VRK1: variants seen among roughly 807,000 people sequenced by gnomAD.
The protein encoded by VRK1 is serine/threonine-protein kinase VRK1.
A neutral mutation model predicts 57.1 loss-of-function variants in VRK1; 33 were observed. The observed-to-expected ratio is 0.58, with a 90% CI of 0.44 to 0.77. VRK1 has a LOEUF of 0.77. VRK1 is among the 30% of genes least tolerant of loss of function. The pLI is 0.00. For missense variants in VRK1, 413 were observed against 477.3 expected, an observed-to-expected ratio of 0.87 and a Z score of 1.25; for synonymous variants, 137 against 147.8, an observed-to-expected ratio of 0.93 and a Z score of 0.53.
intron 1 of VRK1, among the ~76,000 whole-genome samples, chr14:96,798,105 G>T (rs550651537): frequency 6.6e-6 from 1 of 152,308 alleles, no homozygotes; most frequent in East Asian, 1.9e-4. Flanking sequence ...ATCGCGGGGA[G>T]GCCCCGTGAT....
chr14:96,866,642 G>T (rs1199218677), intron 11 of VRK1, among the ~76,000 whole-genome samples: 1 of 152,100 alleles, frequency 6.6e-6, no homozygotes, highest in Non-Finnish European at 1.5e-5. Context: ...AGTAGGGAGG[G>T]TTTCCTCTTT....
chr14:96,831,476 A>G (rs753653076), intron 1 of VRK1, among the ~76,000 whole-genome samples: 62 of 152,232 alleles, frequency 4.1e-4, no homozygotes, highest in Non-Finnish European at 8.4e-4. Flanking sequence ...TTTTTAGGAA[A>G]GAAAGTCATT....
intron 3 of VRK1, among the ~76,000 whole-genome samples, chr14:96,843,737 T>C (rs538545082): frequency 1.3e-5 from 2 of 152,186 alleles, no homozygotes; most frequent in Non-Finnish European, 2.9e-5. Context: ...GTTAATAAAA[T>C]TTTAGTTATG....
intron 5 of VRK1, among the ~76,000 whole-genome samples, chr14:96,848,039 C>T (rs550772872): frequency 2.1e-4 from 32 of 152,210 alleles, no homozygotes; most frequent in African/African-American, 6.5e-4. Flanking sequence ...TGAGACTTGA[C>T]GGGTAGATTT....
chr14:96,833,093 A>T (rs1193117300), intron 1 of VRK1, among the ~76,000 whole-genome samples: 1 of 152,146 alleles, frequency 6.6e-6, no homozygotes, highest in Non-Finnish European at 1.5e-5. Context: ...TATTGACCTT[A>T]ATAAACTCTT....
At chr14:96,849,495 C>G (rs544282545) in intron 5 of VRK1, among the ~76,000 whole-genome samples, 2 of 151,602 alleles carry the variant, frequency 1.3e-5, no homozygotes, top group Non-Finnish European at 2.9e-5. Context: ...ACCTAAACAC[C>G]AAACAAATCT....
intron 9 of VRK1, 63 bp from the exon 10 acceptor site, chr14:96,856,465 A>G (rs1401597045): frequency 6.2e-6 from 9 of 1,457,636 alleles, no homozygotes; most frequent in Non-Finnish European, 8.6e-6. Context: ...TGTGCTATAT[A>G]TTTTTATTTC....
chr14:96,831,228 T>C (rs1886992292), intron 1 of VRK1, among the ~76,000 whole-genome samples: 1 of 152,222 alleles, frequency 6.6e-6, no homozygotes, highest in Admixed American at 6.5e-5. Context: ...TCATGGTCTG[T>C]CTTCACCTGC....
At chr14:96,874,044 C>G (rs1425474347) in intron 11 of VRK1, among the ~76,000 whole-genome samples, 1 of 152,174 alleles carries the variant, frequency 6.6e-6, no homozygotes. Flanking sequence ...AGCTTGAAAA[C>G]TAGATGAATG....
chr14:96,833,769 T>C (rs914991805), intron 2 of VRK1, 138 bp downstream of exon 2: 2 of 1,264,128 alleles, frequency 1.6e-6, no homozygotes, highest in African/African-American at 3.0e-5. Context: ...TAAGCAAAAA[T>C]GCATCTCTGA....
At chr14:96,861,113 C>T (rs889307588) in intron 11 of VRK1, among the ~76,000 whole-genome samples, 20 of 152,060 alleles carry the variant, frequency 1.3e-4, no homozygotes, top group Non-Finnish European at 1.8e-4. Flanking sequence ...CAGTTGAAAA[C>T]GGGCATTTGA....
chr14:96,846,303 G>A, intron 4 of VRK1, 139 bp downstream of exon 4: 2 of 809,880 alleles, frequency 2.5e-6, no homozygotes, highest in Non-Finnish European at 4.0e-6. Context: ...CATGGGATTT[G>A]TGTGAAAGAA....
intron 11 of VRK1, among the ~76,000 whole-genome samples, chr14:96,862,581 C>A (rs1287888899): frequency 6.7e-6 from 1 of 148,716 alleles, no homozygotes; most frequent in Non-Finnish European, 1.5e-5. Flanking sequence ...TTTTAAACTG[C>A]AGAACATTTT....
chr14:96,809,832 C>T (rs1266897076), intron 1 of VRK1, among the ~76,000 whole-genome samples: 1 of 152,242 alleles, frequency 6.6e-6, no homozygotes, highest in East Asian at 1.9e-4. Context: ...TTCGGCCTCC[C>T]TAAGCGCTGG....
Position 96,842,327 on chromosome 14 carries a change from A to G in VRK1, c.217-3768A>G, listed in dbSNP as rs531488238. On this transcript the variant is annotated intron_variant, in intron 3 of 12. Transcript: ENST00000216639. Reference sequence around the variant, plus strand: ...AGTTGAAATGTTTCACCAAATAACAAACATGTAAAATGAGCATCAGTTCTT... The same window carrying G: ...AGTTGAAATGTTTCACCAAATAACAGACATGTAAAATGAGCATCAGTTCTT... 3.9e-5 allele frequency among the ~76,000 whole-genome samples: 6 copies of G among 152,340 alleles called. No homozygotes were observed. The East Asian group carries it at 1.2e-3, about 29-fold the overall frequency.
chr14:96,819,379 T>C (rs1332034151), intron 1 of VRK1, among the ~76,000 whole-genome samples: 4 of 152,150 alleles, frequency 2.6e-5, no homozygotes, highest in Non-Finnish European at 1.5e-5. Flanking sequence ...AATGACTTAA[T>C]GAAGAAAGTA....
At chr14:96,816,401 G>A (rs1472772325) in intron 1 of VRK1, among the ~76,000 whole-genome samples, 1 of 152,064 alleles carries the variant, frequency 6.6e-6, no homozygotes, top group Admixed American at 6.6e-5. Flanking sequence ...CCCTCCCTTA[G>A]GTAAGATTTA....
At position 96,849,523 on chromosome 14, in the gene VRK1, A is replaced by G. The variant is rs529869374; in HGVS notation, c.374+2179A>G. On this transcript the variant is annotated intron_variant, in intron 5 of 12. Transcript: ENST00000216639. ...ACAAATCTAGCACTAGATTGATTGT[A>G]CTTGACTCCATCAGGTGTGGTCATG... Among the ~76,000 whole-genome samples, 6 of 151,790 alleles carry G rather than the reference A, an allele frequency of 4.0e-5. No individual in the cohort carries two copies. In the South Asian group the frequency reaches 1.2e-3, roughly 32 times the overall value.
chr14:96,856,710 T>A (rs1306720528), intron 10 of VRK1, 124 bp downstream of exon 10: 24 of 823,164 alleles, frequency 2.9e-5, no homozygotes, highest in Non-Finnish European at 4.1e-5. Context: ...GGCTCACACC[T>A]GTAATCCCAG....
Sources: allele counts gnomAD v4.1 joint callset (sites outside exome capture counted in the v4.1 genomes callset), GRCh38; gene constraint gnomAD v4.1.1; transcripts MANE v1.5; gene names NCBI Gene and HGNC (gene_info 2026-07-23, HGNC 2026-07-21).